Variants in SNX24 observed in about 807,000 individuals in gnomAD.
The protein encoded by SNX24 is sorting nexin 24, also known as sorting nexin-24.
SNX24 carries 22 observed loss-of-function variants against 28.7 expected under a neutral mutation model. The ratio of observed to expected loss-of-function variants is 0.77; its 90% CI spans 0.55 to 1.10. SNX24 has a LOEUF of 1.10. SNX24 is among the 50% of genes least tolerant of loss of function. The probability of loss-of-function intolerance (pLI) is 0.00; values close to 1 mark genes in which losing one functional copy is unlikely to be tolerated. For synonymous variants in SNX24, 69 were observed against 71.5 expected (o/e 0.96, Z 0.18); for missense variants, 221 against 201.1 (o/e 1.10, Z -0.60).
At chr5:122,870,390 G>A (rs1471569911) in intron 1 of SNX24, among the ~76,000 whole-genome samples, 1 of 152,174 alleles carries the variant, frequency 6.6e-6, no homozygotes, top group Admixed American at 6.6e-5. Flanking sequence ...AGAACAGAAA[G>A]ACCTCAACCC....
intron 3 of SNX24, among the ~76,000 whole-genome samples, chr5:122,956,704 C>T (rs972311247): frequency 1.3e-5 from 2 of 152,054 alleles, no homozygotes; most frequent in Middle Eastern, 3.2e-3. Flanking sequence ...CTGTTGTTCC[C>T]TGGGTTTTTT....
At chr5:122,884,301 G>GTGT (rs1756609341) in intron 1 of SNX24, among the ~76,000 whole-genome samples, 1 of 121,796 alleles carries the variant, frequency 8.2e-6, no homozygotes, top group Non-Finnish European at 1.6e-5. Context: ...GCCTAGGCTA[G>GTGT]AGTGCAGTGG....
intron 3 of SNX24, among the ~76,000 whole-genome samples, chr5:122,959,632 A>T (rs1330429152): frequency 6.6e-6 from 1 of 151,948 alleles, no homozygotes; most frequent in African/African-American, 2.4e-5. Flanking sequence ...GTCATTTGGG[A>T]AGACTATCAA....
chr5:122,949,018 A>C (rs1233218490), intron 3 of SNX24, among the ~76,000 whole-genome samples: 1 of 152,348 alleles, frequency 6.6e-6, no homozygotes, highest in East Asian at 1.9e-4. Context: ...AAAACTATGC[A>C]TATGCTTTCA....
intron 1 of SNX24, among the ~76,000 whole-genome samples, chr5:122,916,034 A>G (rs1271229193): frequency 1.3e-5 from 2 of 152,216 alleles, no homozygotes; most frequent in Non-Finnish European, 1.5e-5. Context: ...TTGTGTCCTT[A>G]GTTCACTGTA....
At chr5:122,980,674 C>T (rs762355448) in intron 3 of SNX24, among the ~76,000 whole-genome samples, 68 of 149,986 alleles carry the variant, frequency 4.5e-4, no homozygotes, top group Non-Finnish European at 8.4e-4. Context: ...TGTGCTCAGT[C>T]GGGTGTGTGC....
intron 1 of SNX24, among the ~76,000 whole-genome samples, chr5:122,871,853 G>A (rs1280798043): frequency 1.3e-5 from 2 of 152,096 alleles, no homozygotes; most frequent in Non-Finnish European, 2.9e-5. Flanking sequence ...AAGTTTTGGA[G>A]CCAGATAGAC....
chr5:122,929,224 T>A (rs1758843884), intron 1 of SNX24, among the ~76,000 whole-genome samples: 2 of 152,152 alleles, frequency 1.3e-5, no homozygotes, highest in Admixed American at 1.3e-4. Context: ...TTCCGGCCTC[T>A]CACCTGCTGC....
At chr5:122,884,939 C>T (rs1174025266) in intron 1 of SNX24, among the ~76,000 whole-genome samples, 1 of 152,170 alleles carries the variant, frequency 6.6e-6, no homozygotes, top group Non-Finnish European at 1.5e-5. Context: ...TGCTTAGGAC[C>T]ATTGTACCAA....
chr5:123,023,829 C>CAT (rs1476610386), intron 5 of SNX24: 2 of 1,606,014 alleles, frequency 1.2e-6, no homozygotes, highest in Non-Finnish European at 1.7e-6. Context: ...CACACACACA[C>CAT]ACACACACCC....
At chr5:123,007,648 CTT>C in intron 6 of SNX24, 32 bp from the exon 7 acceptor site, 1 of 1,388,992 alleles carries the variant, frequency 7.2e-7, no homozygotes, top group Non-Finnish European at 9.8e-7. Flanking sequence ...AGCAGTTTTT[CTT>C]TTTTTTTTCT....
At chr5:122,972,600 C>T (rs1761003070) in intron 3 of SNX24, among the ~76,000 whole-genome samples, 1 of 152,164 alleles carries the variant, frequency 6.6e-6, no homozygotes, top group African/African-American at 2.4e-5. Flanking sequence ...ACTTCTTTAG[C>T]TGTAAAGTGA....
At chr5:122,980,718 G>A (rs1050910980) in intron 3 of SNX24, among the ~76,000 whole-genome samples, 1 of 150,624 alleles carries the variant, frequency 6.6e-6, no homozygotes, top group African/African-American at 2.4e-5. Flanking sequence ...GCCCCTTCCA[G>A]TATCTAGTGT....
intron 1 of SNX24, among the ~76,000 whole-genome samples, chr5:122,864,444 A>G (rs1298574961): frequency 6.6e-6 from 1 of 152,220 alleles, no homozygotes; most frequent in Non-Finnish European, 1.5e-5. Flanking sequence ...AGACAGGGGA[A>G]CCGCAACAGA....
chr5:122,962,955 T>G (rs767521045), intron 3 of SNX24, among the ~76,000 whole-genome samples: 11 of 152,202 alleles, frequency 7.2e-5, no homozygotes, highest in African/African-American at 1.7e-4. Flanking sequence ...TCCTCTAGGC[T>G]GGGCATGGTG....
intron 1 of SNX24, among the ~76,000 whole-genome samples, chr5:122,882,972 T>C (rs994652981): frequency 4.6e-5 from 7 of 151,778 alleles, no homozygotes; most frequent in Admixed American, 1.3e-4. Context: ...CAGAATGGCT[T>C]GAGTGGAGGA....
chr5:122,892,333 C>T (rs914108684), intron 1 of SNX24, among the ~76,000 whole-genome samples: 6 of 152,088 alleles, frequency 3.9e-5, no homozygotes, highest in Admixed American at 2.0e-4. Flanking sequence ...CCTTTTGACC[C>T]AGTGGTTAAC....
intron 1 of SNX24, among the ~76,000 whole-genome samples, chr5:122,892,461 T>C (rs1161936620): frequency 6.6e-6 from 1 of 151,916 alleles, no homozygotes; most frequent in Non-Finnish European, 1.5e-5. Flanking sequence ...TTATTTACTT[T>C]TTTTTATTGA....
chr5:122,879,039 T>C (rs922300321), intron 1 of SNX24, among the ~76,000 whole-genome samples: 4 of 152,022 alleles, frequency 2.6e-5, no homozygotes, highest in Non-Finnish European at 4.4e-5. Flanking sequence ...AAATTTTTAG[T>C]GGCCCTATTA....
Sources: gnomAD v4.1 joint callset for allele counts (sites outside exome capture counted in the v4.1 genomes callset) on GRCh38, gnomAD v4.1.1 for gene constraint, MANE v1.5 for transcripts, NCBI Gene and HGNC (gene_info 2026-07-23, HGNC 2026-07-21) for gene names.